Variants in ASPHD1 observed in about 807,000 individuals in gnomAD.
ASPHD1 encodes the protein aspartate beta-hydroxylase domain containing 1, also known as aspartate beta-hydroxylase domain-containing protein 1.
A neutral mutation model predicts 28.3 loss-of-function variants in ASPHD1; 20 were observed. The observed-to-expected ratio is 0.71, with a 90% CI of 0.50 to 1.03. The LOEUF is 1.03. ASPHD1 is among the 50% of genes least tolerant of loss of function. The pLI is 0.00. For missense variants in ASPHD1, 479 were observed against 524.1 expected (o/e 0.91, Z 0.84); for synonymous variants, 240 against 221.2 (o/e 1.08, Z -0.75).
At chr16:29,905,624 C>G (rs1025691593) in intron 2 of ASPHD1, among the ~76,000 whole-genome samples, 164 bp from the exon 3 acceptor site, 4 of 117,366 alleles carry the variant, frequency 3.4e-5, no homozygotes, top group Admixed American at 1.0e-4. Flanking sequence ...AAGACTCCAT[C>G]TCAGGAAAAA....
intron 3 of ASPHD1, chr16:29,911,900 G>A: frequency 1.2e-6 from 2 of 1,610,942 alleles, no homozygotes; most frequent in Non-Finnish European, 1.7e-6. Context: ...CGAGAGGGGT[G>A]AGGCTGCAGG....
Position 29,918,888 on chromosome 16 carries a change from G to C in ASPHD1, c.*63-643G>C, listed in dbSNP as rs1296609917. 3.3e-5 allele frequency among the ~76,000 whole-genome samples: 5 copies of C among 151,412 alleles called. No individual in the cohort carries two copies. In the East Asian group the frequency reaches 7.7e-4, roughly 23 times the overall value. On this transcript the variant is annotated intron_variant and NMD_transcript_variant, in intron 3 of 3. Transcript: ENST00000414952. ...TTGGCCAGGCTGGTCTTGAACTCCTGACCTTGTGATCCACCTGCCTCAGCC... is the reference window on the plus strand; with the variant it reads ...TTGGCCAGGCTGGTCTTGAACTCCTCACCTTGTGATCCACCTGCCTCAGCC...
downstream of ASPHD1, among the ~76,000 whole-genome samples, chr16:29,909,426 T>C (rs1263218055): frequency 6.6e-6 from 1 of 152,164 alleles, no homozygotes; most frequent in African/African-American, 2.4e-5. Flanking sequence ...AGACTTGTGA[T>C]GACTGTGGTG....
intron 1 of ASPHD1, among the ~76,000 whole-genome samples, chr16:29,904,024 T>C (rs2068577335): frequency 1.3e-5 from 2 of 151,948 alleles, no homozygotes; most frequent in Non-Finnish European, 2.9e-5. Flanking sequence ...GAGAGGTTGC[T>C]GCCAGGTGCC....
intron 2 of ASPHD1, 62 bp from the exon 3 acceptor site, chr16:29,905,726 G>C: frequency 9.1e-7 from 1 of 1,104,916 alleles, no homozygotes. Flanking sequence ...TGTTTGGTGA[G>C]TGCTCTGGTG....
chr16:29,908,380 ATTTTTAT>A (rs1336384727), downstream of ASPHD1, among the ~76,000 whole-genome samples: 1 of 151,770 alleles, frequency 6.6e-6, no homozygotes, highest in Admixed American at 6.6e-5. Context: ...TTAATTTTTT[ATTTTTAT>A]TTTTTATTTT....
rs2068528198 is a variant in ASPHD1, at chr16:29,900,693, C to A, written c.-279C>A. On this transcript the variant is annotated 5_prime_UTR_variant, in exon 1 of 3. Transcript: ENST00000308748. ...GTGAGGCCGGAGAGAAAGAAGCTGC[C>A]GCGGAGGAAGACAGGCTGCGGGTTC... 1.9e-6 allele frequency: 1 copy of A among 538,212 alleles called. No individual in the cohort carries two copies. Among genetic ancestry groups the A allele is most frequent in the South Asian group, 2.3e-5 (1 of 44,360 alleles). 33.3% of individuals were successfully genotyped at this position (538,212 alleles called of 1,614,324 possible).
rs558410887 is a variant in ASPHD1, at chr16:29,905,193, C to T, written c.1063+228C>T. 4.8e-4 allele frequency: 208 copies of T among 431,394 alleles called. 1 individual carries two copies. The highest frequency in any genetic ancestry group is 3.7e-3 in the African/African-American group (181 of 48,422). The allele number at this position is 431,394 out of a possible 1,614,324, so 26.7% of individuals were successfully genotyped here. On this transcript the variant is annotated intron_variant, in intron 2 of 2. Transcript: ENST00000308748. ...AGATAATATTACGTACACAGAAAAG[C>T]GGTTACCAGCACAGGACTCTGGGTT...
chr16:29,907,012 C>G, downstream of ASPHD1: 3 of 1,614,188 alleles, frequency 1.9e-6, no homozygotes, highest in Non-Finnish European at 2.5e-6. Flanking sequence ...GCTGCTCCCC[C>G]TGTGGCCTCC....
Position 29,901,268 on chromosome 16 carries a change from C to G in ASPHD1, c.297C>G (p.Gly99=), listed in dbSNP as rs202164335. 1.1e-5 allele frequency: 18 copies of G among 1,613,318 alleles called. No homozygotes were observed. The East Asian group carries it at 4.0e-4, about 36-fold the overall frequency. ...SLFLWYCYRL[G]SQDMQALGAG... ...TCCTCTGGTACTGCTACCGCCTGGG[C>G]TCCCAAGACATGCAGGCCCTAGGGG... Residue 99 remains glycine, a synonymous_variant, in exon 1 of 3, where the codon GGC becomes GGG. Coordinates refer to ENST00000308748, the MANE Select transcript of ASPHD1 (RefSeq NM_181718.4). The surrounding 1 kb of genome is among the most constrained non-coding windows in gnomAD (Gnocchi z 5.1).
At chr16:29,908,187 G>A (rs2068645945), downstream of ASPHD1, among the ~76,000 whole-genome samples, 1 of 152,148 alleles carries the variant, frequency 6.6e-6, no homozygotes, top group South Asian at 2.1e-4. Context: ...GGAGGGCCAG[G>A]GCCAGCGTGA....
chr16:29,901,618 G>A lies in ASPHD1; in HGVS notation c.647G>A (p.Ser216Asn), dbSNP rs765680119. 6.4e-6 allele frequency: 10 copies of A among 1,561,532 alleles called. No homozygotes were observed. Among genetic ancestry groups the A allele is most frequent in the Non-Finnish European group, 7.7e-6 (9 of 1,162,564 alleles). The stretch of plus-strand genomic sequence containing the variant: ...CACGACGTGGAGCTCCTGGAGAGCA[G>A]CTTCCCTGCCATTTTGCGGGACTTC... Reference protein sequence around the residue: ...QRHDVELLESSFPAILRDFGA... With the variant: ...QRHDVELLESNFPAILRDFGA... The change falls in exon 1 of 3, where the codon AGC becomes AAC. Residue 216 changes from serine to asparagine, a missense_variant. Coordinates refer to ENST00000308748, the MANE Select transcript of ASPHD1 (RefSeq NM_181718.4). This position sits in a 1 kb window ranked among gnomAD's most constrained non-coding sequence, Gnocchi z 5.1.
At chr16:29,905,629 GAA>G (rs770029376) in intron 2 of ASPHD1, among the ~76,000 whole-genome samples, 157 bp from the exon 3 acceptor site, 4 of 49,782 alleles carry the variant, frequency 8.0e-5, no homozygotes, top group Admixed American at 2.1e-4. Context: ...TCCATCTCAG[GAA>G]AAAAAAAAAA....
Position 29,905,809 on chromosome 16 carries a change from G to A in ASPHD1, c.1085G>A (p.Arg362Gln), listed in dbSNP as rs370030676. 6.2e-6 allele frequency: 10 copies of A among 1,613,666 alleles called. No homozygotes were observed. The African/African-American group carries it at 8.0e-5, about 13-fold the overall frequency. The change falls in exon 3 of 3, where the codon CGA becomes CAA. Residue 362 changes from arginine (R) to glutamine (Q), a missense_variant. Arg to Gln is a conservative substitution (Grantham distance 43, BLOSUM62 1). Coordinates refer to ENST00000308748, the MANE Select transcript of ASPHD1 (RefSeq NM_181718.4). ...CTAGGCTCCCCCGAAGATGGGCCTC[G>A]AGTGGTCTTCATCGTGGACCTCTGG... ...AHNGSPEDGP[R>Q]VVFIVDLWHP...
chr16:29,911,952 G>A, intron 3 of ASPHD1: 4 of 1,610,784 alleles, frequency 2.5e-6, no homozygotes, highest in Non-Finnish European at 3.4e-6. Flanking sequence ...AGGGCTTGGG[G>A]GCCTCACCTT....
In ASPHD1 at chr16:29,916,737, A is replaced by G. The variant is rs551042452; in HGVS notation, c.*63-2794A>G. 9.2e-5 allele frequency among the ~76,000 whole-genome samples: 14 copies of G among 152,304 alleles called. No homozygotes were observed. The South Asian group carries it at 2.9e-3, about 32-fold the overall frequency. The stretch of plus-strand genomic sequence containing the variant: ...TAAATAAAAATAAACATTATCTCAC[A>G]TAGTTTCTGTGGGTCAGGAATTTGG... On this transcript the variant is annotated intron_variant and NMD_transcript_variant, in intron 3 of 3. Transcript: ENST00000414952.
At chr16:29,907,332 C>T (rs987771276), downstream of ASPHD1, among the ~76,000 whole-genome samples, 1 of 152,222 alleles carries the variant, frequency 6.6e-6, no homozygotes, top group Non-Finnish European at 1.5e-5. Flanking sequence ...TCATCTCCTT[C>T]CCTGCCTAGC....
At chr16:29,904,777 G>A (rs757802681) in intron 1 of ASPHD1, 75 bp from the exon 2 acceptor site, 6 of 912,544 alleles carry the variant, frequency 6.6e-6, no homozygotes, top group African/African-American at 1.7e-5. Flanking sequence ...CTTAGAGCTA[G>A]TTGCTAATTG....
downstream of ASPHD1, chr16:29,907,011 C>T (rs762459459): frequency 5.0e-6 from 8 of 1,614,070 alleles, no homozygotes; most frequent in Admixed American, 3.3e-5. Flanking sequence ...AGCTGCTCCC[C>T]CTGTGGCCTC....
Sources: gnomAD v4.1 joint callset for allele counts (sites outside exome capture counted in the v4.1 genomes callset) on GRCh38, gnomAD v4.1.1 for gene constraint, Gnocchi (gnomAD v3.1) non-coding constraint, MANE v1.5 for transcripts, NCBI Gene and HGNC (gene_info 2026-07-23, HGNC 2026-07-21) for gene names.